ADGRB3: variants seen among roughly 807,000 people sequenced by gnomAD.
The protein encoded by ADGRB3 is adhesion G protein-coupled receptor B3.
In ADGRB3, 37 loss-of-function variants were observed where a neutral mutation model predicts 193.4. That is an observed-to-expected ratio of 0.19 (90% CI 0.15 to 0.25). The LOEUF is 0.25. ADGRB3 is among the 10% of genes least tolerant of loss of function. ADGRB3 has a pLI of 1.00. For missense variants in ADGRB3, 1,637 were observed against 1,852.9 expected, an observed-to-expected ratio of 0.88 and a Z score of 2.14; for synonymous variants, 690 against 644.2, an observed-to-expected ratio of 1.07 and a Z score of -1.08.
chr6:68,896,164 G>T (rs1766213303), intron 3 of ADGRB3, among the ~76,000 whole-genome samples: 1 of 152,114 alleles, frequency 6.6e-6, no homozygotes, highest in South Asian at 2.1e-4. Flanking sequence ...TTGAAAGTTA[G>T]ACTTCTCTTA....
intron 20 of ADGRB3, among the ~76,000 whole-genome samples, chr6:69,283,436 A>G (rs895300575): frequency 6.6e-6 from 1 of 152,058 alleles, no homozygotes; most frequent in African/African-American, 2.4e-5. Context: ...TTTTGGGTAG[A>G]GGCCTTTCCA....
At chr6:68,968,629 G>T (rs1221015743) in intron 8 of ADGRB3, among the ~76,000 whole-genome samples, 3 of 152,112 alleles carry the variant, frequency 2.0e-5, no homozygotes, top group Non-Finnish European at 2.9e-5. Flanking sequence ...TGTATGGATG[G>T]AGCAAAAAGA....
chr6:69,117,503 A>G (rs768566645), intron 17 of ADGRB3, among the ~76,000 whole-genome samples: 8 of 152,202 alleles, frequency 5.3e-5, no homozygotes, highest in Non-Finnish European at 1.2e-4. Flanking sequence ...ATTCTAAATC[A>G]CTATCCTCTA....
At chr6:69,290,857 A>G (rs1263894243) in intron 20 of ADGRB3, among the ~76,000 whole-genome samples, 1 of 152,204 alleles carries the variant, frequency 6.6e-6, no homozygotes, top group Non-Finnish European at 1.5e-5. Context: ...AAACAAGTAC[A>G]TAAGGTCAAC....
intron 20 of ADGRB3, among the ~76,000 whole-genome samples, chr6:69,313,237 A>G (rs1214519265): frequency 6.6e-6 from 1 of 151,844 alleles, no homozygotes; most frequent in Non-Finnish European, 1.5e-5. Context: ...GCACTAATAG[A>G]TCCATAGTTG....
At chr6:68,772,883 A>AAAC (rs869040810) in intron 3 of ADGRB3, among the ~76,000 whole-genome samples, 28 of 10,668 alleles carry the variant, frequency 2.6e-3, no homozygotes, top group East Asian at 4.6e-3. Context: ...ACAAACAAAC[A>AAAC]AAAAAAAAAA....
At chr6:69,232,611 T>C in intron 17 of ADGRB3, 1 of 1,535,590 alleles carries the variant, frequency 6.5e-7, no homozygotes, top group Non-Finnish European at 8.7e-7. Flanking sequence ...CTGAGTGAAG[T>C]GTGGAGTAGG....
At chr6:69,096,070 AT>A (rs1269102204) in intron 17 of ADGRB3, among the ~76,000 whole-genome samples, 2 of 152,154 alleles carry the variant, frequency 1.3e-5, no homozygotes, top group Non-Finnish European at 2.9e-5. Flanking sequence ...CTTACATTTC[AT>A]TTTTTTAGTG....
chr6:68,897,440 TGAAG>T (rs1766250605), intron 3 of ADGRB3, among the ~76,000 whole-genome samples: 8 of 49,260 alleles, frequency 1.6e-4, no homozygotes, highest in Non-Finnish European at 2.3e-4. Flanking sequence ...AAGGAAGGAT[TGAAG>T]GAAGGGAGGG....
At chr6:68,897,234 C>G (rs543099988) in intron 3 of ADGRB3, among the ~76,000 whole-genome samples, 1 of 151,752 alleles carries the variant, frequency 6.6e-6, no homozygotes, top group African/African-American at 2.4e-5. Flanking sequence ...GTGACTTAGG[C>G]CTGCAATGCC....
At chr6:69,138,917 A>G (rs1774230849) in intron 17 of ADGRB3, among the ~76,000 whole-genome samples, 1 of 152,196 alleles carries the variant, frequency 6.6e-6, no homozygotes, top group African/African-American at 2.4e-5. Context: ...ATATTATTTG[A>G]CTTTTAAAGT....
chr6:69,148,551 GATA>G (rs1329728324), intron 17 of ADGRB3, among the ~76,000 whole-genome samples: 1 of 152,012 alleles, frequency 6.6e-6, no homozygotes, highest in Non-Finnish European at 1.5e-5. Context: ...TTCTACTTAA[GATA>G]AGAGTAATTT....
At chr6:68,887,108 C>T (rs543843445) in intron 3 of ADGRB3, among the ~76,000 whole-genome samples, 16 of 151,438 alleles carry the variant, frequency 1.1e-4, no homozygotes, top group Admixed American at 7.3e-4. Flanking sequence ...TGGGTATTAA[C>T]GCAATTCTTT....
At chr6:69,331,879 A>T in intron 23 of ADGRB3, 5 of 985,160 alleles carry the variant, frequency 5.1e-6, no homozygotes, top group Non-Finnish European at 6.0e-6. Context: ...TACATAGATG[A>T]ATAAGTATTC....
chr6:68,878,693 G>A lies in ADGRB3; in HGVS notation c.758-51866G>A, dbSNP rs147532563. 7.7e-3 allele frequency among the ~76,000 whole-genome samples: 1,174 copies of A among 152,160 alleles called. 8 individuals are homozygous for A. The highest frequency in any genetic ancestry group is 0.014 in the Non-Finnish European group (981 of 67,990). On this transcript the variant is annotated intron_variant, in intron 3 of 31. Coordinates refer to ENST00000370598, the MANE Select transcript of ADGRB3 (RefSeq NM_001704.3). ...CAGTTTTTGTCACATTTTTCTATTT[G>A]CCTGAATCCCTCAAAATGGCATGTA...
At chr6:68,683,690 C>T (rs1045377240) in intron 3 of ADGRB3, among the ~76,000 whole-genome samples, 1 of 152,170 alleles carries the variant, frequency 6.6e-6, no homozygotes, top group African/African-American at 2.4e-5. Flanking sequence ...CTTTGGCTTC[C>T]ATTTTTCCTG....
At chr6:68,994,575 C>T (rs1467018950) in intron 11 of ADGRB3, among the ~76,000 whole-genome samples, 3 of 152,160 alleles carry the variant, frequency 2.0e-5, no homozygotes, top group African/African-American at 7.2e-5. Context: ...CACCCAATGT[C>T]AGTATTGCCT....
chr6:69,275,281 T>C (rs147302454), intron 20 of ADGRB3, among the ~76,000 whole-genome samples: 71 of 152,286 alleles, frequency 4.7e-4, no homozygotes, highest in African/African-American at 1.6e-3. Flanking sequence ...CATGACTTTA[T>C]AGTTTCTTCT....
intron 20 of ADGRB3, among the ~76,000 whole-genome samples, chr6:69,240,451 GAAAGT>G (rs1468383634): frequency 6.6e-6 from 1 of 151,790 alleles, no homozygotes; most frequent in African/African-American, 2.4e-5. Flanking sequence ...GAATCCGAAA[GAAAGT>G]AAAGACTATT....
Sources: gnomAD v4.1 joint callset for allele counts (sites outside exome capture counted in the v4.1 genomes callset) on GRCh38, gnomAD v4.1.1 for gene constraint, MANE v1.5 for transcripts, NCBI Gene and HGNC (gene_info 2026-07-23, HGNC 2026-07-21) for gene names.